LIPI: variants seen among roughly 807,000 people sequenced by gnomAD.
LIPI encodes the protein lipase member I.
In LIPI, 59 loss-of-function variants were observed where a neutral mutation model predicts 50.6. The ratio of observed to expected loss-of-function variants is 1.16; its 90% CI spans 0.94 to 1.45. LIPI has a LOEUF of 1.45. Ranked by LOEUF, LIPI falls within the 40% of genes most tolerant of loss-of-function variation. LIPI has a pLI of 0.00. For missense variants in LIPI, 586 were observed against 536.3 expected, an observed-to-expected ratio of 1.09 and a Z score of -0.92; for synonymous variants, 203 against 178.2, an observed-to-expected ratio of 1.14 and a Z score of -1.11.
At chr21:14,174,251 C>G (rs1215554019) in intron 4 of LIPI, among the ~76,000 whole-genome samples, 1 of 152,162 alleles carries the variant, frequency 6.6e-6, no homozygotes, top group African/African-American at 2.4e-5. Flanking sequence ...TGGGGGGCAG[C>G]TTGGTCTGCT....
intron 9 of LIPI, among the ~76,000 whole-genome samples, chr21:14,130,590 C>T (rs772683289): frequency 2.0e-4 from 31 of 152,270 alleles, no homozygotes; most frequent in Non-Finnish European, 3.4e-4. Flanking sequence ...AGTGGAGCAC[C>T]GCCCTCTCTG....
chr21:14,196,844 TAATC>T (rs2019880370), intron 1 of LIPI, among the ~76,000 whole-genome samples: 2 of 152,054 alleles, frequency 1.3e-5, no homozygotes, highest in Admixed American at 1.3e-4. Context: ...CAACAAAAAA[TAATC>T]AAAGTACATT....
intron 4 of LIPI, among the ~76,000 whole-genome samples, chr21:14,170,351 C>T (rs559456500): frequency 5.8e-4 from 89 of 152,282 alleles, no homozygotes; most frequent in African/African-American, 2.0e-3. Context: ...GGAATCCTCC[C>T]TAACTCATTT....
At chr21:14,122,572 G>A (rs2016904383) in intron 9 of LIPI, among the ~76,000 whole-genome samples, 1 of 152,188 alleles carries the variant, frequency 6.6e-6, no homozygotes, top group South Asian at 2.1e-4. Flanking sequence ...AGAGTCAGCA[G>A]TAAGGCTGCT....
chr21:14,130,289 G>A (rs1426386612), intron 9 of LIPI, among the ~76,000 whole-genome samples: 5 of 152,066 alleles, frequency 3.3e-5, no homozygotes, highest in Non-Finnish European at 2.9e-5. Flanking sequence ...GCAGTGAGCC[G>A]AGATTGTGCT....
chr21:14,126,972 C>T (rs1225599552), intron 9 of LIPI, among the ~76,000 whole-genome samples: 1 of 152,110 alleles, frequency 6.6e-6, no homozygotes, highest in Non-Finnish European at 1.5e-5. Context: ...AACTATACAA[C>T]AAAAGAATAA....
Position 14,134,322 on chromosome 21 carries a change from G to A in LIPI, c.1295+10301C>T, listed in dbSNP as rs542521465. ...GACACAAACAAATGGAAAATGGCCC[G>A]TGCTCGTGGATTGGAAAAATCAGTA... On this transcript the variant is annotated intron_variant, in intron 9 of 9. Coordinates refer to ENST00000681601, the MANE Select transcript of LIPI (RefSeq NM_001302998.2). Among the ~76,000 whole-genome samples, 40 of 152,140 alleles carry A rather than the reference G, an allele frequency of 2.6e-4. No individual in the cohort carries two copies. In the South Asian group the frequency reaches 3.1e-3, roughly 12 times the overall value.
chr21:14,192,518 A>G (rs2019711102), intron 1 of LIPI, among the ~76,000 whole-genome samples: 1 of 152,156 alleles, frequency 6.6e-6, no homozygotes, highest in Non-Finnish European at 1.5e-5. Flanking sequence ...AATGACACAC[A>G]AAAAAGTTAA....
At chr21:14,152,518 CTG>C (rs1452413767) in intron 8 of LIPI, 53 bp downstream of exon 8, 16 of 853,486 alleles carry the variant, frequency 1.9e-5, no homozygotes, top group Non-Finnish European at 3.1e-5. Flanking sequence ...GGATGGGATA[CTG>C]AAGAAAGCAA....
chr21:14,130,488 G>A (rs2017251289), intron 9 of LIPI, among the ~76,000 whole-genome samples: 1 of 152,130 alleles, frequency 6.6e-6, no homozygotes, highest in African/African-American at 2.4e-5. Context: ...GTATATCTAG[G>A]ATAATACCCA....
chr21:14,140,734 C>A (rs1223623282), intron 9 of LIPI, among the ~76,000 whole-genome samples: 2 of 152,106 alleles, frequency 1.3e-5, no homozygotes, highest in African/African-American at 2.4e-5. Context: ...CTATAAAATT[C>A]TATTTTGGAA....
At chr21:14,196,172 A>AAT (rs139955022) in intron 1 of LIPI, among the ~76,000 whole-genome samples, 15 of 138,336 alleles carry the variant, frequency 1.1e-4, no homozygotes, top group South Asian at 8.9e-4. Context: ...AAAAAACAAA[A>AAT]CAAGAAGTAT....
At chr21:14,167,339 C>T (rs2018725923) in intron 4 of LIPI, among the ~76,000 whole-genome samples, 1 of 152,200 alleles carries the variant, frequency 6.6e-6, no homozygotes, top group Non-Finnish European at 1.5e-5. Flanking sequence ...ATGTCTCTGT[C>T]TGACAGCTTT....
At chr21:14,165,735 A>T in intron 5 of LIPI, among the ~76,000 whole-genome samples, 1 of 152,164 alleles carries the variant, frequency 6.6e-6, no homozygotes, top group East Asian at 1.9e-4. Context: ...ATTTCCACCT[A>T]ATGACAAAGA....
intron 4 of LIPI, among the ~76,000 whole-genome samples, chr21:14,173,019 G>T (rs374574960): frequency 6.6e-6 from 1 of 152,150 alleles, no homozygotes; most frequent in Non-Finnish European, 1.5e-5. Context: ...TAGAACAAGA[G>T]GACAGGAAGG....
chr21:14,135,967 G>A (rs1251419086), intron 9 of LIPI, among the ~76,000 whole-genome samples: 3 of 152,138 alleles, frequency 2.0e-5, no homozygotes, highest in Admixed American at 2.0e-4. Context: ...TAGCATAGCA[G>A]CTCAGCCACA....
chr21:14,200,358 G>A (rs1459812573), intron 1 of LIPI, among the ~76,000 whole-genome samples: 1 of 151,986 alleles, frequency 6.6e-6, no homozygotes, highest in African/African-American at 2.4e-5. Context: ...AAACCCTATA[G>A]TCTCTGCCCA....
chr21:14,157,915 G>A (rs1037736397), intron 7 of LIPI, among the ~76,000 whole-genome samples: 1 of 151,800 alleles, frequency 6.6e-6, no homozygotes, highest in Admixed American at 6.6e-5. Context: ...CTGTATTTGA[G>A]GGGGAGGTAA....
At chr21:14,169,306 A>G (rs2018807825) in intron 4 of LIPI, among the ~76,000 whole-genome samples, 1 of 152,134 alleles carries the variant, frequency 6.6e-6, no homozygotes, top group South Asian at 2.1e-4. Flanking sequence ...CAGATCAACG[A>G]GACAGAAAGT....
Sources: gnomAD v4.1 joint callset for allele counts (sites outside exome capture counted in the v4.1 genomes callset) on GRCh38, gnomAD v4.1.1 for gene constraint, MANE v1.5 for transcripts, NCBI Gene and HGNC (gene_info 2026-07-23, HGNC 2026-07-21) for gene names.